Variants in CAMKMT observed in about 807,000 individuals in gnomAD.
CAMKMT encodes the protein calmodulin-lysine N-methyltransferase.
A neutral mutation model predicts 48.0 loss-of-function variants in CAMKMT; 53 were observed. The ratio of observed to expected loss-of-function variants is 1.10; its 90% CI spans 0.89 to 1.39. The LOEUF (loss-of-function observed/expected upper bound fraction) is 1.39, where lower values mean the gene tolerates loss of function less well. CAMKMT is among the 40% of genes most tolerant of loss of function. The pLI, the probability that CAMKMT is intolerant of heterozygous loss-of-function variation, is 0.00. For synonymous variants in CAMKMT, 165 were observed against 152.3 expected (o/e 1.08, Z -0.61); for missense variants, 428 against 402.7 (o/e 1.06, Z -0.54).
Position 44,547,975 on chromosome 2 carries a change from ACT to A in CAMKMT, c.377-156305_377-156304del, listed in dbSNP as rs1395158500. On this transcript the variant is annotated intron_variant, in intron 3 of 10. Transcript: ENST00000378494. ...CTTGCCCATCAGAGGCACACTGATC[ACT>A]CTAAATATCCTGGTAGAGAGTGGGG... Among the ~76,000 whole-genome samples the A allele has an allele frequency of 2.0e-5, 3 of 152,118 alleles. No homozygotes were observed. The East Asian group carries it at 5.8e-4, about 29-fold the overall frequency.
intron 7 of CAMKMT, among the ~76,000 whole-genome samples, chr2:44,742,056 A>C (rs1305585663): frequency 3.9e-5 from 6 of 152,122 alleles, no homozygotes; most frequent in Non-Finnish European, 5.9e-5. Context: ...TATACTTTAA[A>C]CCATCTTGCT....
At chr2:44,506,717 C>T (rs1670280053) in intron 3 of CAMKMT, among the ~76,000 whole-genome samples, 1 of 152,080 alleles carries the variant, frequency 6.6e-6, no homozygotes. Flanking sequence ...TCAAGAAATC[C>T]ATCTCCTTAT....
chr2:44,674,078 A>G (rs910422259), intron 3 of CAMKMT, among the ~76,000 whole-genome samples: 12 of 152,226 alleles, frequency 7.9e-5, no homozygotes, highest in African/African-American at 2.7e-4. Flanking sequence ...CCTGTAATGA[A>G]AGTCTGTGTG....
At chr2:44,503,123 A>G (rs776793711) in intron 3 of CAMKMT, among the ~76,000 whole-genome samples, 2 of 152,126 alleles carry the variant, frequency 1.3e-5, no homozygotes, top group African/African-American at 4.8e-5. Flanking sequence ...AGCTTATTTC[A>G]TTATTTAAAA....
At chr2:44,567,384 G>A (rs771111871) in intron 3 of CAMKMT, among the ~76,000 whole-genome samples, 1 of 152,130 alleles carries the variant, frequency 6.6e-6, no homozygotes, top group African/African-American at 2.4e-5. Flanking sequence ...TGTTGAGCAG[G>A]AATACTCATA....
At chr2:44,747,656 C>G (rs1016890640) in intron 8 of CAMKMT, among the ~76,000 whole-genome samples, 58 of 152,182 alleles carry the variant, frequency 3.8e-4, no homozygotes, top group Non-Finnish European at 5.9e-5. Flanking sequence ...AGGGGTCTTC[C>G]TTTCTGTGGC....
chr2:44,617,467 T>C (rs1281485715), intron 3 of CAMKMT, among the ~76,000 whole-genome samples: 2 of 152,260 alleles, frequency 1.3e-5, no homozygotes, highest in Non-Finnish European at 2.9e-5. Context: ...GTAATCTTTT[T>C]CTTAAAAACA....
chr2:44,507,417 T>G (rs1266409450), intron 3 of CAMKMT, among the ~76,000 whole-genome samples: 1 of 152,176 alleles, frequency 6.6e-6, no homozygotes, highest in Non-Finnish European at 1.5e-5. Context: ...ACACATCACA[T>G]TTTCTCCTTT....
intron 7 of CAMKMT, among the ~76,000 whole-genome samples, chr2:44,736,469 A>G (rs958898859): frequency 1.3e-5 from 2 of 152,006 alleles, no homozygotes; most frequent in African/African-American, 4.8e-5. Context: ...CTTTTAGGCA[A>G]TTCGATTATT....
rs761688431 is a variant in CAMKMT at position 44,704,281 on chromosome 2, A to G, written c.377-2A>G. The G allele has an allele frequency of 1.2e-6, 2 of 1,608,912 alleles. No homozygotes were observed. The highest frequency in any genetic ancestry group is 1.7e-6 in the Non-Finnish European group (2 of 1,177,528). On this transcript the variant is annotated splice_acceptor_variant, in intron 3 of 10. Coordinates refer to ENST00000378494, the MANE Select transcript of CAMKMT (RefSeq NM_024766.5). LOFTEE classifies it high-confidence loss of function. Reference sequence around the variant, plus strand: ...AAAGGTTTATCCTCTTGTGTTTTCTAGGCATCTGGCCATCTGAAGAGGTTT... The same window carrying G: ...AAAGGTTTATCCTCTTGTGTTTTCTGGGCATCTGGCCATCTGAAGAGGTTT...
chr2:44,519,993 C>T (rs556653208), intron 3 of CAMKMT, among the ~76,000 whole-genome samples: 9 of 151,172 alleles, frequency 6.0e-5, no homozygotes, highest in East Asian at 3.9e-4. Context: ...GGGCGGATCA[C>T]GAGGTCAGGA....
At chr2:44,549,803 TA>T in intron 3 of CAMKMT, 1 of 415,604 alleles carries the variant, frequency 2.4e-6, no homozygotes, top group Non-Finnish European at 4.2e-6. Context: ...AACAAAGACA[TA>T]GGGGGCTTCT....
At chr2:44,681,490 C>T (rs767651913) in intron 3 of CAMKMT, among the ~76,000 whole-genome samples, 2 of 151,188 alleles carry the variant, frequency 1.3e-5, no homozygotes, top group African/African-American at 2.4e-5. Flanking sequence ...CTTATTTGCT[C>T]AGGCAGAGGA....
chr2:44,646,110 G>C (rs567701160), intron 3 of CAMKMT, among the ~76,000 whole-genome samples: 2 of 152,128 alleles, frequency 1.3e-5, no homozygotes, highest in Non-Finnish European at 2.9e-5. Context: ...AGAGAGCTTC[G>C]TGCTGGTGAA....
At chr2:44,506,636 C>A (rs934430775) in intron 3 of CAMKMT, among the ~76,000 whole-genome samples, 2 of 152,106 alleles carry the variant, frequency 1.3e-5, no homozygotes, top group African/African-American at 4.8e-5. Flanking sequence ...AATACAGATA[C>A]TGGTAAACCC....
intron 3 of CAMKMT, among the ~76,000 whole-genome samples, chr2:44,572,125 C>G (rs2103738758): frequency 6.6e-6 from 1 of 152,274 alleles, no homozygotes; most frequent in East Asian, 1.9e-4. Flanking sequence ...GAGACTGTAC[C>G]CATTAAGCAG....
At chr2:44,588,759 G>C (rs1286977591) in intron 3 of CAMKMT, among the ~76,000 whole-genome samples, 7 of 41,982 alleles carry the variant, frequency 1.7e-4, no homozygotes, top group African/African-American at 6.1e-4. Context: ...GCCTCTGCCC[G>C]GCTGCCCCTA....
chr2:44,502,966 T>C (rs1406303394), intron 3 of CAMKMT, among the ~76,000 whole-genome samples: 2 of 152,200 alleles, frequency 1.3e-5, no homozygotes, highest in Non-Finnish European at 2.9e-5. Context: ...TGATTTGTCC[T>C]GTGCTACATA....
At chr2:44,687,078 G>T (rs2104204206) in intron 3 of CAMKMT, among the ~76,000 whole-genome samples, 1 of 152,264 alleles carries the variant, frequency 6.6e-6, no homozygotes, top group African/African-American at 2.4e-5. Flanking sequence ...ATAATTCTTG[G>T]CTACACTAGT....
Sources: gnomAD v4.1 joint callset for allele counts (sites outside exome capture counted in the v4.1 genomes callset) on GRCh38, gnomAD v4.1.1 for gene constraint, MANE v1.5 for transcripts, NCBI Gene and HGNC (gene_info 2026-07-23, HGNC 2026-07-21) for gene names.